NRG1: variants seen among roughly 807,000 people sequenced by gnomAD.
NRG1 encodes the protein pro-neuregulin-1, membrane-bound isoform.
NRG1 carries 18 observed loss-of-function variants against 63.8 expected under a neutral mutation model. That is an observed-to-expected ratio of 0.28 (90% confidence interval 0.19 to 0.42). The LOEUF is 0.42. Among genes scored for constraint, NRG1 ranks in the 10% least tolerant of loss-of-function variants. The pLI is 1.00. For synonymous variants in NRG1, 302 were observed against 301.3 expected (o/e 1.00, Z -0.02); for missense variants, 762 against 814.7 (o/e 0.94, Z 0.79).
intron 1 of NRG1, among the ~76,000 whole-genome samples, chr8:32,027,569 G>A (rs962012479): frequency 6.7e-6 from 1 of 149,492 alleles, no homozygotes; most frequent in African/African-American, 2.4e-5. Flanking sequence ...GCCAAGTTAG[G>A]TGGGATATAT....
intron 1 of NRG1, among the ~76,000 whole-genome samples, chr8:31,655,746 C>T (rs1246809142): frequency 6.6e-6 from 1 of 152,072 alleles, no homozygotes; most frequent in Non-Finnish European, 1.5e-5. Context: ...GAGGTGGGGC[C>T]CCAGTTGAGA....
chr8:31,906,164 T>A (rs1324508305), intron 1 of NRG1, among the ~76,000 whole-genome samples: 1 of 152,164 alleles, frequency 6.6e-6, no homozygotes, highest in African/African-American at 2.4e-5. Context: ...AAAGCTGCCA[T>A]TTTAAAGACA....
chr8:32,386,061 G>C (rs534596328), intron 1 of NRG1, among the ~76,000 whole-genome samples: 4 of 152,070 alleles, frequency 2.6e-5, no homozygotes, highest in Admixed American at 2.6e-4. Flanking sequence ...TGCTGTCATA[G>C]GTCTTTAGAT....
chr8:31,643,746 G>A (rs564484102), intron 1 of NRG1, among the ~76,000 whole-genome samples: 7 of 152,274 alleles, frequency 4.6e-5, no homozygotes, highest in Admixed American at 2.6e-4. Context: ...TTTGCTGTCC[G>A]ATTAAATCTC....
At chr8:32,087,122 T>C (rs1828341923) in intron 1 of NRG1, among the ~76,000 whole-genome samples, 1 of 152,172 alleles carries the variant, frequency 6.6e-6, no homozygotes, top group African/African-American at 2.4e-5. Context: ...TCATTGATAA[T>C]GGTTTGGATG....
At chr8:32,557,364 T>C (rs567507405) in intron 1 of NRG1, among the ~76,000 whole-genome samples, 18 of 152,356 alleles carry the variant, frequency 1.2e-4, no homozygotes, top group African/African-American at 2.4e-4. Context: ...TTTGGTATTT[T>C]ATCTCTTTTC....
chr8:32,193,430 T>C (rs1057512332), intron 1 of NRG1, among the ~76,000 whole-genome samples: 4 of 151,952 alleles, frequency 2.6e-5, no homozygotes, highest in Admixed American at 6.6e-5. Flanking sequence ...AAATAATGCC[T>C]GCTACAATCA....
intron 1 of NRG1, among the ~76,000 whole-genome samples, chr8:32,550,070 C>G (rs1170219106): frequency 6.6e-6 from 1 of 152,148 alleles, no homozygotes; most frequent in Non-Finnish European, 1.5e-5. Flanking sequence ...TCACTGATAG[C>G]ATTTCAGAAC....
At chr8:31,961,442 A>C (rs1805435762) in intron 1 of NRG1, among the ~76,000 whole-genome samples, 1 of 152,246 alleles carries the variant, frequency 6.6e-6, no homozygotes, top group Admixed American at 6.5e-5. Flanking sequence ...TACTGAAACT[A>C]ATAAAAGAAT....
At chr8:32,350,264 T>A (rs187125548) in intron 1 of NRG1, among the ~76,000 whole-genome samples, 1 of 152,328 alleles carries the variant, frequency 6.6e-6, no homozygotes, top group East Asian at 1.9e-4. Flanking sequence ...GAACTTTGAA[T>A]CATTAGATCC....
chr8:32,226,021 A>T (rs1390861844), intron 1 of NRG1, among the ~76,000 whole-genome samples: 5 of 152,164 alleles, frequency 3.3e-5, no homozygotes, highest in Non-Finnish European at 7.3e-5. Context: ...AATAATTTTT[A>T]AAAATTCTTC....
chr8:32,122,553 A>G (rs1246676304), intron 1 of NRG1, among the ~76,000 whole-genome samples: 1 of 151,980 alleles, frequency 6.6e-6, no homozygotes, highest in African/African-American at 2.4e-5. Context: ...TGAATTTTCC[A>G]AGGGTGTGTG....
intron 1 of NRG1, among the ~76,000 whole-genome samples, chr8:32,376,377 A>G (rs1376601441): frequency 1.3e-5 from 2 of 151,848 alleles, no homozygotes; most frequent in Non-Finnish European, 2.9e-5. Context: ...GTTCTTCTCC[A>G]CCCTCTGCCT....
At chr8:32,279,193 G>A (rs1368100012) in intron 1 of NRG1, among the ~76,000 whole-genome samples, 1 of 152,132 alleles carries the variant, frequency 6.6e-6, no homozygotes, top group Non-Finnish European at 1.5e-5. Flanking sequence ...AAAAAACCCT[G>A]AAGGAGATCC....
intron 1 of NRG1, among the ~76,000 whole-genome samples, chr8:32,290,673 C>T (rs1854088216): frequency 6.6e-6 from 1 of 152,184 alleles, no homozygotes; most frequent in South Asian, 2.1e-4. Flanking sequence ...ATTACTAAAC[C>T]TTCTGCCGAC....
chr8:31,822,205 T>C (rs1171585119), intron 1 of NRG1, among the ~76,000 whole-genome samples: 1 of 152,212 alleles, frequency 6.6e-6, no homozygotes, highest in Non-Finnish European at 1.5e-5. Flanking sequence ...CCCTGAACTC[T>C]AATTACCATG....
intron 1 of NRG1, among the ~76,000 whole-genome samples, chr8:32,443,103 T>C (rs1819765793): frequency 6.6e-6 from 1 of 152,046 alleles, no homozygotes; most frequent in African/African-American, 2.4e-5. Flanking sequence ...CCCAGCTAAT[T>C]TTTTTCTTAA....
intron 1 of NRG1, among the ~76,000 whole-genome samples, chr8:32,348,654 G>A (rs1270259764): frequency 1.3e-5 from 2 of 152,052 alleles, no homozygotes; most frequent in Middle Eastern, 3.2e-3. Flanking sequence ...TATCAGTATG[G>A]TTTTCTGTTA....
chr8:32,017,578 G>A (rs549575049), intron 1 of NRG1, among the ~76,000 whole-genome samples: 15 of 152,232 alleles, frequency 9.9e-5, no homozygotes, highest in Middle Eastern at 3.4e-3. Context: ...TTTTACATGC[G>A]CTTCTGACCA....
Sources: gnomAD v4.1 joint callset for allele counts (sites outside exome capture counted in the v4.1 genomes callset) on GRCh38, gnomAD v4.1.1 for gene constraint, MANE v1.5 for transcripts, NCBI Gene and HGNC (gene_info 2026-07-23, HGNC 2026-07-21) for gene names.